The following PCSK6 variants were observed in gnomAD, a reference collection of about 807,000 sequenced individuals.
The protein encoded by PCSK6 is paired basic amino acid cleaving enzyme 4.
A neutral mutation model predicts 123.3 loss-of-function variants in PCSK6; 85 were observed. The ratio of observed to expected loss-of-function variants is 0.69; its 90% confidence interval spans 0.58 to 0.83. PCSK6 has a LOEUF of 0.83. Among genes scored for constraint, PCSK6 ranks in the 40% least tolerant of loss-of-function variants. PCSK6 has a pLI of 0.00. For missense variants in PCSK6, 1,191 were observed against 1,282.3 expected, an observed-to-expected ratio of 0.93 and a Z score of 1.09; for synonymous variants, 508 against 516.0, an observed-to-expected ratio of 0.98 and a Z score of 0.21.
At chr15:101,339,106 C>T (rs1596200544) in intron 13 of PCSK6, among the ~76,000 whole-genome samples, 1 of 152,172 alleles carries the variant, frequency 6.6e-6, no homozygotes, top group East Asian at 1.9e-4. Context: ...TTGAGTTAAG[C>T]ATTAAAATCC....
At chr15:101,480,647 T>C (rs1034086422) in intron 1 of PCSK6, among the ~76,000 whole-genome samples, 2 of 152,258 alleles carry the variant, frequency 1.3e-5, no homozygotes, top group African/African-American at 4.8e-5. Context: ...CACAGCTTGA[T>C]GGGATGATGG....
chr15:101,344,592 A>C (rs1218911904), intron 13 of PCSK6, among the ~76,000 whole-genome samples: 1 of 152,170 alleles, frequency 6.6e-6, no homozygotes, highest in African/African-American at 2.4e-5. Flanking sequence ...TGTGGGGTGG[A>C]GGAGTGGAGA....
intron 13 of PCSK6, among the ~76,000 whole-genome samples, chr15:101,332,435 G>T (rs1163166369): frequency 1.3e-5 from 2 of 152,290 alleles, no homozygotes; most frequent in South Asian, 2.1e-4. Context: ...GGGTAAATCT[G>T]GTGCCAGGCC....
At chr15:101,489,234 C>G in intron 1 of PCSK6, 140 bp downstream of exon 1, 1 of 453,366 alleles carries the variant, frequency 2.2e-6, no homozygotes, top group Non-Finnish European at 2.9e-6. Context: ...CCCGGCCGCC[C>G]GCCGTCCCCA....
chr15:101,433,667 G>A (rs1047338924), intron 2 of PCSK6, among the ~76,000 whole-genome samples: 1 of 152,236 alleles, frequency 6.6e-6, no homozygotes, highest in Non-Finnish European at 1.5e-5. Flanking sequence ...ACCCAGGGTC[G>A]TGCTGGAAGC....
intron 2 of PCSK6, among the ~76,000 whole-genome samples, chr15:101,438,890 G>C (rs755690272): frequency 6.6e-6 from 1 of 152,240 alleles, no homozygotes; most frequent in Non-Finnish European, 1.5e-5. Flanking sequence ...GCCCAGAGGG[G>C]AAGGTGGGGA....
rs1379877009 is a variant in PCSK6 at position 101,489,428 on chromosome 15, G to A, written c.243C>T (p.Gly81=). ...TNHWAVQVLG[G]PAEADRVAAA... is the part of the protein sequence containing the mutation. The stretch of plus-strand genomic sequence containing the variant: ...CCGCCACGCGGTCCGCCTCGGCCGG[G>A]CCGCCCAGCACTTGCACCGCCCAGT... The change falls in exon 1 of 22, where the codon GGC becomes GGT. Residue 81 remains glycine (G), a synonymous_variant. Coordinates refer to ENST00000611716, the MANE Select transcript of PCSK6 (RefSeq NM_002570.5). 2.3e-6 allele frequency: 3 copies of A among 1,278,622 alleles called. No homozygotes were observed. The highest frequency in any genetic ancestry group is 1.5e-5 in the South Asian group (1 of 66,274). The allele number at this position is 1,278,622 out of a possible 1,614,324, so 79.2% of individuals were successfully genotyped here. A position where few individuals can be genotyped will look rare whatever the true frequency, so the allele number is the denominator to read the frequency against.
At chr15:101,314,452 C>G (rs1395146386) in intron 19 of PCSK6, among the ~76,000 whole-genome samples, 1 of 152,208 alleles carries the variant, frequency 6.6e-6, no homozygotes, top group African/African-American at 2.4e-5. Context: ...AATCACAATG[C>G]CCAGGTAAAC....
chr15:101,472,958 G>A (rs963817747), intron 1 of PCSK6, among the ~76,000 whole-genome samples: 6 of 152,246 alleles, frequency 3.9e-5, no homozygotes, highest in Non-Finnish European at 7.3e-5. Context: ...GACCTGGCTT[G>A]TGATAGTGTG....
chr15:101,366,249 C>T lies in PCSK6; in HGVS notation c.1805G>A (p.Trp602Ter). The T allele has an allele frequency of 6.2e-7, 1 of 1,613,746 alleles. No homozygotes were observed. The highest frequency in any genetic ancestry group is 8.5e-7 in the Non-Finnish European group (1 of 1,179,774). The change falls in exon 13 of 22, where the codon TGG becomes TAG. Residue 602 changes from tryptophan (W) to a stop codon, truncating the protein, a stop_gained. Transcript: ENST00000611716. LOFTEE classifies it high-confidence loss of function. ...TGGCAGATCTTGGATTTCCAAGGTCCACTGCCCTTCAGCCTTTTCTCCCCA... is the reference window on the plus strand; with the variant it reads ...TGGCAGATCTTGGATTTCCAAGGTCTACTGCCCTTCAGCCTTTTCTCCCCA... ...HCWGEKAEGQ[W>*]TLEIQDLPSQ...
intron 11 of PCSK6, among the ~76,000 whole-genome samples, chr15:101,377,873 G>C (rs1441390987): frequency 6.6e-6 from 1 of 152,236 alleles, no homozygotes. Flanking sequence ...TAAACTGTAA[G>C]CTCTGTCTGG....
chr15:101,339,036 T>C (rs2040544231), intron 13 of PCSK6, among the ~76,000 whole-genome samples: 1 of 152,248 alleles, frequency 6.6e-6, no homozygotes, highest in Non-Finnish European at 1.5e-5. Context: ...GGGGAGACTA[T>C]GGTTGAATTT....
intron 1 of PCSK6, among the ~76,000 whole-genome samples, chr15:101,487,168 C>A (rs116118406): frequency 6.6e-6 from 1 of 152,224 alleles, no homozygotes; most frequent in African/African-American, 2.4e-5. Flanking sequence ...AAGAAAAGCT[C>A]GTTTTGGAAT....
chr15:101,459,962 A>C (rs1441388553), intron 1 of PCSK6, among the ~76,000 whole-genome samples: 1 of 152,200 alleles, frequency 6.6e-6, no homozygotes, highest in African/African-American at 2.4e-5. Flanking sequence ...AGGTCTGTAA[A>C]GAAAAATTCA....
chr15:101,439,183 G>C (rs538606790), intron 2 of PCSK6, among the ~76,000 whole-genome samples: 1 of 152,332 alleles, frequency 6.6e-6, no homozygotes, highest in South Asian at 2.1e-4. Context: ...AACAAGTGTA[G>C]GGGGGAAGGA....
intron 14 of PCSK6, 38 bp from the exon 15 acceptor site, chr15:101,331,727 C>T (rs2040374465): frequency 6.5e-7 from 1 of 1,548,380 alleles, no homozygotes; most frequent in African/African-American, 2.0e-5. Flanking sequence ...TTATGACTCC[C>T]AGGCAAGAGA....
At position 101,390,407 on chromosome 15, in the gene PCSK6, TA is replaced by T. The variant is rs1448251099; in HGVS notation, c.1210-844del. On this transcript the variant is annotated intron_variant, in intron 8 of 21. Transcript: ENST00000611716. ...TTCCAATGAGCTTTGCAGATAGAGTTAAGGTTGGTAGCCAGCCGACCTTAAA... is the reference window on the plus strand; with the variant it reads ...TTCCAATGAGCTTTGCAGATAGAGTTAGGTTGGTAGCCAGCCGACCTTAAA... 5.3e-5 allele frequency among the ~76,000 whole-genome samples: 8 copies of T among 152,256 alleles called. 1 individual carries two copies.
chr15:101,359,096 G>A (rs1174100800), intron 13 of PCSK6, among the ~76,000 whole-genome samples: 1 of 152,198 alleles, frequency 6.6e-6, no homozygotes, highest in Non-Finnish European at 1.5e-5. Flanking sequence ...GTGGCAGGAC[G>A]CATGCCTGTA....
At chr15:101,472,779 G>A (rs1047345077) in intron 1 of PCSK6, among the ~76,000 whole-genome samples, 3 of 152,224 alleles carry the variant, frequency 2.0e-5, no homozygotes, top group African/African-American at 7.2e-5. Flanking sequence ...AATAAATTGG[G>A]TTAAGACAGG....
Sources: allele counts gnomAD v4.1 joint callset (sites outside exome capture counted in the v4.1 genomes callset), GRCh38; gene constraint gnomAD v4.1.1; transcripts MANE v1.5; gene names NCBI Gene and HGNC (gene_info 2026-07-23, HGNC 2026-07-21).